Variants in GPC5 observed in about 807,000 individuals in gnomAD.
The protein encoded by GPC5 is glypican 5.
In GPC5, 47 loss-of-function variants were observed where a neutral mutation model predicts 53.9. That is an observed-to-expected ratio of 0.87 (90% CI 0.69 to 1.11). GPC5 has a LOEUF of 1.11. Among genes scored for constraint, GPC5 ranks in the 50% most tolerant of loss-of-function variants. The pLI is 0.00. For missense variants in GPC5, 748 were observed against 713.1 expected, an observed-to-expected ratio of 1.05 and a Z score of -0.56; for synonymous variants, 286 against 263.3, an observed-to-expected ratio of 1.09 and a Z score of -0.84.
chr13:91,529,232 A>G (rs1444661097), intron 2 of GPC5, among the ~76,000 whole-genome samples: 1 of 152,228 alleles, frequency 6.6e-6, no homozygotes. Flanking sequence ...TCCTGCCTTC[A>G]TAAAAATTAA....
chr13:91,399,109 C>A lies in GPC5; in HGVS notation c.63C>A (p.Ser21=), dbSNP rs773226000. 31 of 1,604,408 alleles carry A rather than the reference C, an allele frequency of 1.9e-5. No homozygotes were observed. The highest frequency in any genetic ancestry group is 2.5e-5 in the Non-Finnish European group (29 of 1,175,834). The change falls in exon 1 of 8, where the codon TCC becomes TCA. Residue 21 remains serine, a synonymous_variant. Coordinates refer to ENST00000377067, the MANE Select transcript of GPC5 (RefSeq NM_004466.6). The stretch of plus-strand genomic sequence containing the variant: ...TCCTCCTTCTGGCCCTGGTTGGGTC[C>A]GCCCGCAGCGAGGGCGTGCAGACCT... ...RCLLLLALVG[S]ARSEGVQTCE...
chr13:91,734,834 C>G (rs1452228954), intron 4 of GPC5, among the ~76,000 whole-genome samples: 4 of 151,058 alleles, frequency 2.6e-5, no homozygotes, highest in Non-Finnish European at 5.9e-5. Context: ...TCTTATCGTT[C>G]TTAACATTAA....
chr13:92,361,882 G>A (rs2043570378), intron 7 of GPC5, among the ~76,000 whole-genome samples: 1 of 151,518 alleles, frequency 6.6e-6, no homozygotes, highest in East Asian at 1.9e-4. Flanking sequence ...CTGACTGGAT[G>A]ATAGCATAAG....
At chr13:92,130,339 G>GA (rs57555250) in intron 6 of GPC5, among the ~76,000 whole-genome samples, 7,970 of 136,530 alleles carry the variant, frequency 0.058, 694 homozygotes, top group African/African-American at 0.19. Context: ...GATGTTAACT[G>GA]AAAAAAAAAA....
chr13:92,164,632 G>A (rs781514874), intron 7 of GPC5, among the ~76,000 whole-genome samples: 2 of 152,142 alleles, frequency 1.3e-5, no homozygotes, highest in African/African-American at 4.8e-5. Flanking sequence ...GGCACACAGT[G>A]CAAGCTGTCA....
At chr13:92,530,374 T>C (rs1317824214) in intron 7 of GPC5, among the ~76,000 whole-genome samples, 1 of 152,140 alleles carries the variant, frequency 6.6e-6, no homozygotes, top group Non-Finnish European at 1.5e-5. Flanking sequence ...GCCACTGCCA[T>C]CCACCCACTA....
chr13:92,866,164 A>AACATAGAG, intron 7 of GPC5, 118 bp from the exon 8 acceptor site: 1 of 711,148 alleles, frequency 1.4e-6, no homozygotes, highest in Non-Finnish European at 2.1e-6. Context: ...GAGTTAGGTG[A>AACATAGAG]ACATAGAGAA....
At chr13:92,643,618 A>G (rs1885666217) in intron 7 of GPC5, among the ~76,000 whole-genome samples, 1 of 142,508 alleles carries the variant, frequency 7.0e-6, no homozygotes, top group African/African-American at 2.6e-5. Flanking sequence ...TCAGTAAACT[A>G]TCGCAAGAAC....
intron 3 of GPC5, among the ~76,000 whole-genome samples, chr13:91,719,227 G>A (rs534963455): frequency 5.9e-5 from 9 of 152,314 alleles, no homozygotes; most frequent in African/African-American, 2.2e-4. Context: ...CGTTTGCTCT[G>A]GTGAGTCAGC....
At chr13:92,330,865 T>A (rs182959052) in intron 7 of GPC5, among the ~76,000 whole-genome samples, 1 of 152,132 alleles carries the variant, frequency 6.6e-6, no homozygotes, top group Non-Finnish European at 1.5e-5. Context: ...GGACATTCCA[T>A]AGTGGCTTGC....
chr13:91,508,112 A>C (rs1228392019), intron 2 of GPC5, among the ~76,000 whole-genome samples: 1 of 152,216 alleles, frequency 6.6e-6, no homozygotes, highest in East Asian at 1.9e-4. Context: ...GATCATTATC[A>C]GATACCAAAA....
Position 92,163,524 on chromosome 13 carries a change from T to C in GPC5, c.1561+18535T>C, listed in dbSNP as rs151078075. ...TCACAACATGTACAGTAAAAATTAA[T>C]GAGAATTTCTACTGAGTATTCTATT... On this transcript the variant is annotated intron_variant, in intron 7 of 7. Transcript: ENST00000377067. Among the ~76,000 whole-genome samples, 446 of 151,390 alleles carry C rather than the reference T, an allele frequency of 2.9e-3. 5 individuals carry two copies. Among genetic ancestry groups the C allele is most frequent in the African/African-American group, 0.01 (424 of 41,138 alleles).
chr13:92,808,448 G>A (rs1165026987), intron 7 of GPC5, among the ~76,000 whole-genome samples: 1 of 152,038 alleles, frequency 6.6e-6, no homozygotes, highest in African/African-American at 2.4e-5. Flanking sequence ...GTTGTTGTTA[G>A]AGTTGTGATC....
intron 7 of GPC5, among the ~76,000 whole-genome samples, chr13:92,468,857 A>G (rs1362004077): frequency 1.3e-5 from 2 of 152,066 alleles, no homozygotes; most frequent in African/African-American, 2.4e-5. Context: ...CTCCACTTAG[A>G]AAAACCACCT....
intron 2 of GPC5, among the ~76,000 whole-genome samples, chr13:91,498,001 T>G (rs1244054582): frequency 6.6e-6 from 1 of 152,160 alleles, no homozygotes; most frequent in Non-Finnish European, 1.5e-5. Context: ...TTTATTCCCC[T>G]GTCTAATACT....
chr13:92,286,822 C>T (rs1164608878), intron 7 of GPC5, among the ~76,000 whole-genome samples: 1 of 151,936 alleles, frequency 6.6e-6, no homozygotes, highest in Non-Finnish European at 1.5e-5. Flanking sequence ...CAACATGGCA[C>T]ATGTATACAT....
intron 7 of GPC5, among the ~76,000 whole-genome samples, chr13:92,607,887 C>CT (rs1884307613): frequency 6.6e-6 from 1 of 152,156 alleles, no homozygotes; most frequent in African/African-American, 2.4e-5. Flanking sequence ...CCACCTCTGC[C>CT]TGCCCTGAGA....
chr13:92,519,830 G>A (rs1326172983), intron 7 of GPC5, among the ~76,000 whole-genome samples: 1 of 152,102 alleles, frequency 6.6e-6, no homozygotes, highest in Non-Finnish European at 1.5e-5. Context: ...AAAAATCAAT[G>A]AATCCAGGAT....
At chr13:91,796,520 C>T (rs1282272684) in intron 5 of GPC5, among the ~76,000 whole-genome samples, 1 of 152,208 alleles carries the variant, frequency 6.6e-6, no homozygotes, top group Non-Finnish European at 1.5e-5. Context: ...TGCTGGCTCC[C>T]TCCCCCTGTG....
Sources: gnomAD v4.1 joint callset for allele counts (sites outside exome capture counted in the v4.1 genomes callset) on GRCh38, gnomAD v4.1.1 for gene constraint, MANE v1.5 for transcripts, NCBI Gene and HGNC (gene_info 2026-07-23, HGNC 2026-07-21) for gene names.